ADAM2: variants seen among roughly 807,000 people sequenced by gnomAD.
The protein encoded by ADAM2 is ADAM metallopeptidase domain 2.
In ADAM2, 101 loss-of-function variants were observed where a neutral mutation model predicts 99.3. The ratio of observed to expected loss-of-function variants is 1.02; its 90% CI spans 0.87 to 1.20. The LOEUF (loss-of-function observed/expected upper bound fraction) is 1.20, where lower values mean the gene tolerates loss of function less well. Ranked by LOEUF, ADAM2 falls within the 50% of genes most tolerant of loss-of-function variation. The pLI, the probability that ADAM2 is intolerant of heterozygous loss-of-function variation, is 0.00. For synonymous variants in ADAM2, 323 were observed against 287.6 expected, an observed-to-expected ratio of 1.12 and a Z score of -1.25; for missense variants, 948 against 878.7, an observed-to-expected ratio of 1.08 and a Z score of -1.00.
intron 14 of ADAM2, among the ~76,000 whole-genome samples, chr8:39,763,910 T>A (rs1464024558): frequency 1.3e-5 from 2 of 152,204 alleles, no homozygotes; most frequent in African/African-American, 4.8e-5. Flanking sequence ...TTAAAGGAAT[T>A]CCTGGAGAGT....
chr8:39,784,013 A>G (rs532655885), intron 10 of ADAM2, among the ~76,000 whole-genome samples: 3 of 152,308 alleles, frequency 2.0e-5, no homozygotes, highest in African/African-American at 4.8e-5. Flanking sequence ...TACTCAACCA[A>G]AAACTACTTG....
In ADAM2 at chr8:39,779,705, T is replaced by C. The variant is rs893995258; in HGVS notation, c.892-2544A>G. 2.0e-5 allele frequency among the ~76,000 whole-genome samples: 3 copies of C among 152,136 alleles called. No individual in the cohort carries two copies. The East Asian group carries it at 5.8e-4, about 29-fold the overall frequency. ...GTTTAGAACCATAGTTTTCAAATAA[T>C]AACAGCAACAAGCATTTATTAGGCT... is the stretch of plus-strand genomic sequence containing the variant. On this transcript the variant is annotated intron_variant, in intron 10 of 20. Transcript: ENST00000265708.
At chr8:39,793,886 A>G (rs2129585847) in intron 7 of ADAM2, among the ~76,000 whole-genome samples, 1 of 152,284 alleles carries the variant, frequency 6.6e-6, no homozygotes, top group Non-Finnish European at 1.5e-5. Context: ...AATGGGCAGA[A>G]ATAGCCTCGT....
chr8:39,769,556 T>C lies in ADAM2; in HGVS notation c.1048A>G (p.Ile350Val), dbSNP rs773106630. 1 of 1,613,144 alleles carries C rather than the reference T, an allele frequency of 6.2e-7. No individual in the cohort carries two copies. The highest frequency in any genetic ancestry group is 1.7e-5 in the Admixed American group (1 of 59,966). Residue 350 changes from isoleucine to valine, a missense_variant, in exon 12 of 21, where the codon ATC becomes GTC. Transcript: ENST00000265708. The part of the protein sequence containing the change: ...PEAIHFSGVK[I>V]FSNCSFEDFA... Reference sequence around the variant, plus strand: ...TCTTCGAAGCTGCAGTTACTAAAGATCTTCACACCACTGAAATGACTAAAG... The same window carrying C: ...TCTTCGAAGCTGCAGTTACTAAAGACCTTCACACCACTGAAATGACTAAAG...
At chr8:39,795,324 C>T (rs1223967891) in intron 7 of ADAM2, among the ~76,000 whole-genome samples, 1 of 152,086 alleles carries the variant, frequency 6.6e-6, no homozygotes, top group Non-Finnish European at 1.5e-5. Flanking sequence ...AGACATGCCT[C>T]AGTATACCTC....
rs578131258 is a variant in ADAM2 at position 39,752,919 on chromosome 8, G to A, written c.1797+2809C>T. On this transcript the variant is annotated intron_variant, in intron 16 of 20. Coordinates refer to ENST00000265708, the MANE Select transcript of ADAM2 (RefSeq NM_001464.5). Reference sequence around the variant, plus strand: ...CGGAACTGTGAGTCCATTAAATCTTGTTTTCTATATAAATTACCCAGTTTC... The same window carrying A: ...CGGAACTGTGAGTCCATTAAATCTTATTTTCTATATAAATTACCCAGTTTC... 3.2e-4 allele frequency among the ~76,000 whole-genome samples: 48 copies of A among 152,186 alleles called. 2 individuals carry two copies. Among genetic ancestry groups the A allele is most frequent in the Admixed American group, 3.1e-3 (47 of 15,284 alleles).
At position 39,746,345 on chromosome 8, in the gene ADAM2, A is replaced by T. The variant is rs529487325; in HGVS notation, c.2174+127T>A. 261 of 684,630 alleles carry T rather than the reference A, an allele frequency of 3.8e-4. 3 individuals carry two copies. The South Asian group carries it at 5.8e-3, about 15-fold the overall frequency. 42.4% of individuals were successfully genotyped at this position (684,630 alleles called of 1,614,324 possible). ...CCTGGCCATTAGTTATTAATATATG[A>T]GTTATTAAATTCCCATATAAAGACA... On this transcript the variant is annotated intron_variant, in intron 19 of 20. Coordinates refer to ENST00000265708, the MANE Select transcript of ADAM2 (RefSeq NM_001464.5).
At chr8:39,799,202 G>A (rs1050894696) in intron 7 of ADAM2, among the ~76,000 whole-genome samples, 1 of 152,168 alleles carries the variant, frequency 6.6e-6, no homozygotes, top group Non-Finnish European at 1.5e-5. Context: ...TTTTAACACA[G>A]CTTTAGCTGT....
chr8:39,789,428 G>A (rs1321858969), intron 7 of ADAM2, among the ~76,000 whole-genome samples: 1 of 151,710 alleles, frequency 6.6e-6, no homozygotes, highest in Non-Finnish European at 1.5e-5. Context: ...CGTTTTTTAA[G>A]TGCCCATGGA....
intron 6 of ADAM2, among the ~76,000 whole-genome samples, chr8:39,817,667 C>T (rs1805010246): frequency 6.6e-6 from 1 of 151,864 alleles, no homozygotes; most frequent in Non-Finnish European, 1.5e-5. Flanking sequence ...CGTTTAAAAA[C>T]TTAGTAATAT....
At chr8:39,796,540 C>A (rs1451828259) in intron 7 of ADAM2, among the ~76,000 whole-genome samples, 1 of 152,072 alleles carries the variant, frequency 6.6e-6, no homozygotes, top group East Asian at 1.9e-4. Context: ...GATTTATATT[C>A]CTTTGAGTAT....
chr8:39,788,027 G>C, intron 9 of ADAM2, 58 bp downstream of exon 9: 5 of 1,153,758 alleles, frequency 4.3e-6, no homozygotes, highest in Non-Finnish European at 5.7e-6. Flanking sequence ...TAAGATATTC[G>C]GTCAAATTGC....
rs578194700 is a variant in ADAM2, at chr8:39,808,270, A to G, written c.570+1140T>C. On this transcript the variant is annotated intron_variant, in intron 7 of 20. Coordinates refer to ENST00000265708, the MANE Select transcript of ADAM2 (RefSeq NM_001464.5). The stretch of plus-strand genomic sequence containing the variant: ...TGCAAAAATCACAAGATACGAGATC[A>G]ATTAACTTTTTTTACACTACCAAAT... Among the ~76,000 whole-genome samples the G allele has an allele frequency of 7.2e-4, 109 of 152,062 alleles. No individual in the cohort carries two copies. The South Asian group carries it at 7.3e-3, about 10-fold the overall frequency.
chr8:39,788,778 T>C (rs1360888275), intron 7 of ADAM2, 38 bp from the exon 8 acceptor site: 1 of 1,069,352 alleles, frequency 9.4e-7, no homozygotes, highest in Non-Finnish European at 1.3e-6. Context: ...TAAATATATA[T>C]TGCTTAACAT....
chr8:39,789,867 C>T (rs1453207974), intron 7 of ADAM2, among the ~76,000 whole-genome samples: 3 of 151,574 alleles, frequency 2.0e-5, no homozygotes, highest in African/African-American at 7.3e-5. Flanking sequence ...CTAATTAAAA[C>T]ATGTGCAAAT....
At chr8:39,834,732 C>CAAAAAAAAA (rs79431764) in intron 2 of ADAM2, among the ~76,000 whole-genome samples, 17 of 52,916 alleles carry the variant, frequency 3.2e-4, no homozygotes, top group East Asian at 1.5e-3. Flanking sequence ...AAGACTCCAT[C>CAAAAAAAAA]AAAAAAAAAA....
intron 2 of ADAM2, among the ~76,000 whole-genome samples, chr8:39,834,694 C>G (rs894188942): frequency 2.2e-5 from 3 of 135,632 alleles, no homozygotes; most frequent in African/African-American, 8.6e-5. Context: ...AAGATCACAC[C>G]ATTGCCCTCC....
At chr8:39,786,173 GA>G (rs1803460355) in intron 10 of ADAM2, among the ~76,000 whole-genome samples, 1 of 152,150 alleles carries the variant, frequency 6.6e-6, no homozygotes, top group Admixed American at 6.5e-5. Flanking sequence ...AGGAAGGGTT[GA>G]AAAACTAACT....
chr8:39,746,005 ATGTGTGTGTGTG>A (rs1046652586), intron 19 of ADAM2, among the ~76,000 whole-genome samples: 1 of 111,292 alleles, frequency 9.0e-6, no homozygotes, highest in Admixed American at 9.2e-5. Flanking sequence ...GTGTGTGTGC[ATGTGTGTGTGTG>A]TATATATATA....
Sources: gnomAD v4.1 joint callset for allele counts (sites outside exome capture counted in the v4.1 genomes callset) on GRCh38, gnomAD v4.1.1 for gene constraint, MANE v1.5 for transcripts, NCBI Gene and HGNC (gene_info 2026-07-23, HGNC 2026-07-21) for gene names.